The following ACER2 variants were observed in gnomAD, a reference collection of about 807,000 sequenced individuals.
ACER2 encodes the protein alkaline ceramidase 2.
In ACER2, 26 loss-of-function variants were observed where a neutral mutation model predicts 34.7. The observed-to-expected ratio is 0.75, with a 90% CI of 0.55 to 1.04. ACER2 has a LOEUF of 1.04. Among genes scored for constraint, ACER2 ranks in the 50% least tolerant of loss-of-function variants. The probability of loss-of-function intolerance (pLI) is 0.00; values close to 1 mark genes in which losing one functional copy is unlikely to be tolerated. For synonymous variants in ACER2, 138 were observed against 132.1 expected, an observed-to-expected ratio of 1.04 and a Z score of -0.31; for missense variants, 352 against 340.8, an observed-to-expected ratio of 1.03 and a Z score of -0.26.
At position 19,446,350 on chromosome 9, in the gene ACER2, C is replaced by T; in HGVS notation, c.573C>T (p.Cys191=). Residue 191 remains cysteine (C), a synonymous_variant, in exon 5 of 6, where the codon TGC becomes TGT. Transcript: ENST00000340967. The part of the protein sequence containing the change: ...SGLWWTLALF[C]WISDRAFCEL... ...TCTGGTGGACCCTGGCCCTGTTCTG[C>T]TGGATCAGTGACCGAGCTTTCTGCG... The T allele has an allele frequency of 6.2e-7, 1 of 1,614,176 alleles. No homozygotes were observed. Among genetic ancestry groups the T allele is most frequent in the Non-Finnish European group, 8.5e-7 (1 of 1,180,044 alleles).
intron 4 of ACER2, among the ~76,000 whole-genome samples, chr9:19,444,769 G>A (rs1339809048): frequency 6.6e-6 from 1 of 152,212 alleles, no homozygotes; most frequent in African/African-American, 2.4e-5. Flanking sequence ...GTAGAGAGTG[G>A]TAATCGAAAG....
rs751129108 is a variant in ACER2 at position 19,409,073 on chromosome 9, C to T, written c.-12C>T. On this transcript the variant is annotated 5_prime_UTR_variant, in exon 1 of 6. Transcript: ENST00000340967. ...GCTGCGCGAGCAGCTGCTCCAATGC[C>T]CCGGAGTGGCCATGGGCGCCCCGCA... 35 of 1,569,548 alleles carry T rather than the reference C, an allele frequency of 2.2e-5. No individual in the cohort carries two copies. Among genetic ancestry groups the T allele is most frequent in the Middle Eastern group, 3.9e-4 (2 of 5,106 alleles).
chr9:19,415,547 TAAA>T (rs1000773045), intron 1 of ACER2, among the ~76,000 whole-genome samples: 1 of 151,696 alleles, frequency 6.6e-6, no homozygotes, highest in Admixed American at 6.6e-5. Flanking sequence ...AATTAAAAAT[TAAA>T]AAAAAGTTTT....
intron 3 of ACER2, among the ~76,000 whole-genome samples, chr9:19,428,250 C>G (rs1238574744): frequency 6.6e-6 from 1 of 151,954 alleles, no homozygotes; most frequent in East Asian, 1.9e-4. Context: ...TCACTGCAAC[C>G]TCTGCCTCCC....
At position 19,412,656 on chromosome 9, in the gene ACER2, C is replaced by CAAA. The variant is rs59209941; in HGVS notation, c.108+3481_108+3483dup. On this transcript the variant is annotated intron_variant, in intron 1 of 5. Coordinates refer to ENST00000340967, the MANE Select transcript of ACER2 (RefSeq NM_001010887.3). ...TGGGCAACAGAGCAAGATTCTGTCT[C>CAAA]AAAAAAAAAAAAAAAAAAACCAGCA... 6.5e-5 allele frequency among the ~76,000 whole-genome samples: 6 copies of CAAA among 91,842 alleles called. 1 individual carries two copies. Among genetic ancestry groups the CAAA allele is most frequent in the South Asian group, 6.9e-4 (2 of 2,882 alleles). 60.3% of individuals were successfully genotyped at this position (91,842 alleles called of 152,430 possible). A position where few individuals can be genotyped will look rare whatever the true frequency, so the allele number is the denominator to read the frequency against.
chr9:19,447,386 G>A (rs1000896691), intron 5 of ACER2, among the ~76,000 whole-genome samples: 1 of 152,156 alleles, frequency 6.6e-6, no homozygotes, highest in African/African-American at 2.4e-5. Flanking sequence ...TATTTGCTAT[G>A]AGACCCACCC....
intron 4 of ACER2, among the ~76,000 whole-genome samples, chr9:19,438,164 C>T (rs1274037058): frequency 6.6e-6 from 1 of 152,224 alleles, no homozygotes; most frequent in Non-Finnish European, 1.5e-5. Context: ...TGGGCATTTA[C>T]TTCACTTACT....
chr9:19,434,374 G>A (rs1050568660), intron 3 of ACER2, among the ~76,000 whole-genome samples: 37 of 143,698 alleles, frequency 2.6e-4, no homozygotes, highest in Middle Eastern at 3.7e-3. Flanking sequence ...ACGGGGTGGC[G>A]GCCGGGCAGA....
At chr9:19,437,089 T>A (rs934919430) in intron 4 of ACER2, among the ~76,000 whole-genome samples, 1 of 152,224 alleles carries the variant, frequency 6.6e-6, no homozygotes, top group Non-Finnish European at 1.5e-5. Flanking sequence ...GAAAATCTCA[T>A]TCACCCTCTT....
intron 3 of ACER2, among the ~76,000 whole-genome samples, chr9:19,428,408 T>C (rs1589047893): frequency 6.6e-6 from 1 of 152,070 alleles, no homozygotes. Flanking sequence ...CCTCAGGTGA[T>C]CTGCCTGCCT....
chr9:19,415,358 G>A (rs1407043071), intron 1 of ACER2, among the ~76,000 whole-genome samples: 3 of 152,016 alleles, frequency 2.0e-5, no homozygotes, highest in Non-Finnish European at 4.4e-5. Flanking sequence ...TGGGCATGAT[G>A]GCACTTACCT....
intron 4 of ACER2, among the ~76,000 whole-genome samples, chr9:19,436,663 A>G (rs767239476): frequency 7.9e-5 from 12 of 152,210 alleles, no homozygotes; most frequent in African/African-American, 2.7e-4. Context: ...GTAAATCAAT[A>G]CAGATCTAGG....
At chr9:19,416,267 C>T (rs1830237353) in intron 1 of ACER2, among the ~76,000 whole-genome samples, 1 of 152,114 alleles carries the variant, frequency 6.6e-6, no homozygotes, top group Non-Finnish European at 1.5e-5. Context: ...ACATCAAAGC[C>T]AAGAAACTGG....
At chr9:19,446,034 A>T in intron 4 of ACER2, 1 of 667,058 alleles carries the variant, frequency 1.5e-6, no homozygotes, top group South Asian at 1.6e-5. Context: ...TCGTGTCAAA[A>T]ATGTAGTTGG....
intron 1 of ACER2, 134 bp downstream of exon 1, chr9:19,409,326 C>T (rs1385810787): frequency 7.7e-6 from 6 of 778,394 alleles, no homozygotes; most frequent in African/African-American, 5.3e-5. Context: ...AGTCAGTCCA[C>T]ACCCCCTCCT....
rs1254033717 is a variant in ACER2 at position 19,446,305 on chromosome 9, G to T, written c.528G>T (p.Lys176Asn). The T allele has an allele frequency of 1.2e-6, 2 of 1,614,186 alleles. No individual in the cohort carries two copies. Among genetic ancestry groups the T allele is most frequent in the East Asian group, 4.5e-5 (2 of 44,870 alleles). Residue 176 changes from lysine (K) to asparagine (N), a missense_variant, in exon 5 of 6, where the codon AAG becomes AAT. By Grantham distance (94) the Lys-to-Asn change is moderately conservative (BLOSUM62 0). Coordinates refer to ENST00000340967, the MANE Select transcript of ACER2 (RefSeq NM_001010887.3). ...GGTGTGACAACATGCGTGTGTTTAA[G>T]CTGGGCCTCTTCTCGGGCCTCTGGT... ...LKRCDNMRVF[K>N]LGLFSGLWWT...
chr9:19,427,987 T>C (rs567345576), intron 3 of ACER2, among the ~76,000 whole-genome samples: 33 of 101,790 alleles, frequency 3.2e-4, no homozygotes, highest in Non-Finnish European at 5.5e-4. Context: ...TTTTCCTTTT[T>C]CCTTTCCTTT....
intron 1 of ACER2, among the ~76,000 whole-genome samples, chr9:19,418,125 T>C (rs1031551063): frequency 1.3e-5 from 2 of 152,096 alleles, no homozygotes; most frequent in African/African-American, 4.8e-5. Flanking sequence ...ATTAGAGAAA[T>C]GCAAATCAAA....
At chr9:19,444,154 T>TAAAA (rs142554474) in intron 4 of ACER2, among the ~76,000 whole-genome samples, 5 of 95,654 alleles carry the variant, frequency 5.2e-5, no homozygotes, top group Non-Finnish European at 8.3e-5. Context: ...GCTGATGAGC[T>TAAAA]AAAAAAAAAA....
Sources: allele counts gnomAD v4.1 joint callset (sites outside exome capture counted in the v4.1 genomes callset), GRCh38; gene constraint gnomAD v4.1.1; transcripts MANE v1.5; gene names NCBI Gene and HGNC (gene_info 2026-07-23, HGNC 2026-07-21).